Variants in TAOK3 observed in about 807,000 individuals in gnomAD.
TAOK3 encodes the protein serine/threonine-protein kinase TAO3.
A neutral mutation model predicts 120.4 loss-of-function variants in TAOK3; 40 were observed. The observed-to-expected ratio is 0.33, with a 90% CI of 0.26 to 0.43. TAOK3 has a LOEUF of 0.43. TAOK3 is among the 20% of genes least tolerant of loss of function. The pLI, the probability that TAOK3 is intolerant of heterozygous loss-of-function variation, is 1.00. For missense variants in TAOK3, 821 were observed against 1,112.1 expected, an observed-to-expected ratio of 0.74 and a Z score of 3.72; for synonymous variants, 355 against 387.5, an observed-to-expected ratio of 0.92 and a Z score of 0.99.
At chr12:118,352,827 C>T (rs1419054798) in intron 1 of TAOK3, among the ~76,000 whole-genome samples, 2 of 152,142 alleles carry the variant, frequency 1.3e-5, no homozygotes, top group Non-Finnish European at 2.9e-5. Flanking sequence ...TCTCCTGCCT[C>T]AGCCTCCCAA....
chr12:118,336,195 A>G (rs902820188), intron 1 of TAOK3, among the ~76,000 whole-genome samples: 5 of 152,220 alleles, frequency 3.3e-5, no homozygotes, highest in African/African-American at 1.2e-4. Context: ...AAGTCTTCCT[A>G]TGTAGCTACA....
In TAOK3 at chr12:118,150,998, C is replaced by T. The variant is rs1166724297; in HGVS notation, c.2696G>A (p.Ter899=). The T allele has an allele frequency of 2.7e-6, 4 of 1,494,966 alleles. No homozygotes were observed. The Admixed American group carries it at 7.3e-5, about 27-fold the overall frequency. The allele number at this position is 1,494,966 out of a possible 1,614,324, so 92.6% of individuals were successfully genotyped here. The part of the protein sequence containing the change: ...TLDFPKEDYR[*] ...TTGTAAATGGCAAAAAATTTAATCTCATCTGTAGTCCTCCTTAGGAAAATC... is the reference window on the plus strand; with the variant it reads ...TTGTAAATGGCAAAAAATTTAATCTTATCTGTAGTCCTCCTTAGGAAAATC... Residue 899 remains the stop codon, a stop_retained_variant, in exon 21 of 21, where the codon TGA becomes TAA. Coordinates refer to ENST00000392533, the MANE Select transcript of TAOK3 (RefSeq NM_016281.4).
chr12:118,266,283 C>G (rs1208650046), intron 2 of TAOK3, among the ~76,000 whole-genome samples: 1 of 152,148 alleles, frequency 6.6e-6, no homozygotes, highest in Non-Finnish European at 1.5e-5. Context: ...ACCTCTGCCT[C>G]CTGGGTTCAA....
At chr12:118,349,111 C>T (rs1306824998) in intron 1 of TAOK3, among the ~76,000 whole-genome samples, 1 of 151,730 alleles carries the variant, frequency 6.6e-6, no homozygotes, top group East Asian at 2.0e-4. Flanking sequence ...AGGCTGGTCT[C>T]AAACTCCTGA....
chr12:118,233,619 A>C, intron 9 of TAOK3, 55 bp downstream of exon 9: 3 of 1,301,602 alleles, frequency 2.3e-6, no homozygotes, highest in Non-Finnish European at 3.3e-6. Flanking sequence ...ATGAAAATTC[A>C]TCTGCAAAAT....
chr12:118,266,616 T>C (rs2041460798), intron 2 of TAOK3, 39 bp downstream of exon 2: 1 of 397,904 alleles, frequency 2.5e-6, no homozygotes, highest in Admixed American at 4.4e-5. Context: ...ATTATTTTTT[T>C]CCATTTCTTA....
intron 1 of TAOK3, among the ~76,000 whole-genome samples, chr12:118,285,144 T>C (rs997082784): frequency 2.0e-5 from 3 of 151,980 alleles, no homozygotes; most frequent in Non-Finnish European, 2.9e-5. Context: ...TCTATATATA[T>C]AGATTCTCAT....
rs566985236 is a variant in TAOK3, at chr12:118,196,436, A to C, written c.1194+2615T>G. 1.6e-3 allele frequency among the ~76,000 whole-genome samples: 248 copies of C among 152,052 alleles called. 1 individual carries two copies. The highest frequency in any genetic ancestry group is 2.5e-3 in the Non-Finnish European group (171 of 67,978). On this transcript the variant is annotated intron_variant, in intron 13 of 20. Transcript: ENST00000392533. ...TTTGACTACCAGTCAAATTAATTTG[A>C]CTAATTTAAGATATGTCTGCTTGTG...
At chr12:118,182,621 A>ATTTTT (rs1255090106) in intron 14 of TAOK3, among the ~76,000 whole-genome samples, 18 of 98,972 alleles carry the variant, frequency 1.8e-4, no homozygotes, top group East Asian at 8.8e-4. Flanking sequence ...ATATATATAT[A>ATTTTT]TATTTTTTTT....
chr12:118,333,143 G>A (rs999629191), intron 1 of TAOK3, among the ~76,000 whole-genome samples: 72 of 152,126 alleles, frequency 4.7e-4, no homozygotes, highest in African/African-American at 1.7e-3. Flanking sequence ...GGATCTAACT[G>A]ATATTTAATA....
chr12:118,235,517 G>T, intron 8 of TAOK3, 41 bp downstream of exon 8: 2 of 1,495,252 alleles, frequency 1.3e-6, no homozygotes, highest in South Asian at 1.1e-5. Flanking sequence ...GTTCATGTAT[G>T]CAGATTTTAA....
intron 1 of TAOK3, among the ~76,000 whole-genome samples, chr12:118,361,441 A>G (rs1464316598): frequency 6.6e-6 from 1 of 151,758 alleles, no homozygotes; most frequent in African/African-American, 2.4e-5. Flanking sequence ...ACTATCATTT[A>G]CTTCCTTAGG....
chr12:118,162,057 A>G (rs751129750), intron 17 of TAOK3, 30 bp from the exon 18 acceptor site: 65 of 1,607,488 alleles, frequency 4.0e-5, no homozygotes, highest in Non-Finnish European at 5.4e-5. Context: ...ATAAACGGAG[A>G]GAGGTGAATG....
intron 9 of TAOK3, among the ~76,000 whole-genome samples, chr12:118,223,636 G>A (rs1353751465): frequency 5.0e-5 from 7 of 139,050 alleles, no homozygotes; most frequent in Admixed American, 7.6e-5. Context: ...GTGAGCCACC[G>A]CACCCGGCAT....
chr12:118,338,554 G>C (rs754580806), intron 1 of TAOK3, among the ~76,000 whole-genome samples: 2 of 151,938 alleles, frequency 1.3e-5, no homozygotes, highest in Non-Finnish European at 2.9e-5. Flanking sequence ...TTGGGAGGCC[G>C]AGGTGGGCGG....
intron 9 of TAOK3, among the ~76,000 whole-genome samples, chr12:118,230,154 A>G (rs1423405573): frequency 6.6e-6 from 1 of 152,136 alleles, no homozygotes; most frequent in Admixed American, 6.6e-5. Context: ...TTTGTGTATG[A>G]CATAGCTAGG....
At chr12:118,258,975 G>A (rs1388908311) in intron 2 of TAOK3, among the ~76,000 whole-genome samples, 2 of 151,934 alleles carry the variant, frequency 1.3e-5, no homozygotes, top group Admixed American at 6.6e-5. Flanking sequence ...CTATGGATTT[G>A]GGGGGAAAAC....
chr12:118,205,450 T>G (rs1230502790), intron 11 of TAOK3, among the ~76,000 whole-genome samples: 1 of 152,030 alleles, frequency 6.6e-6, no homozygotes. Flanking sequence ...CCATAGCTAA[T>G]TAGTAGAAGA....
chr12:118,189,582 G>T (rs56162033), intron 14 of TAOK3, among the ~76,000 whole-genome samples: 5 of 140,634 alleles, frequency 3.6e-5, no homozygotes, highest in African/African-American at 8.0e-5. Flanking sequence ...ACACACAAAG[G>T]TTTTTTTTTT....
Sources: allele counts gnomAD v4.1 joint callset (sites outside exome capture counted in the v4.1 genomes callset), GRCh38; gene constraint gnomAD v4.1.1; transcripts MANE v1.5; gene names NCBI Gene and HGNC (gene_info 2026-07-23, HGNC 2026-07-21).